The following CSMD3 variants were observed in gnomAD, a reference collection of about 807,000 sequenced individuals.
CSMD3 encodes the protein CUB and sushi domain-containing protein 3.
In CSMD3, 177 loss-of-function variants were observed where a neutral mutation model predicts 435.2. That is an observed-to-expected ratio of 0.41 (90% CI 0.36 to 0.46). The LOEUF (loss-of-function observed/expected upper bound fraction) is 0.46. CSMD3 is among the 20% of genes least tolerant of loss of function. CSMD3 has a pLI of 0.34. For missense variants in CSMD3, 4,265 were observed against 4,504.6 expected (o/e 0.95, Z 1.52); for synonymous variants, 1,656 against 1,520.5 (o/e 1.09, Z -2.07).
At chr8:112,685,197 C>G (rs1035894843) in intron 15 of CSMD3, among the ~76,000 whole-genome samples, 1 of 151,708 alleles carries the variant, frequency 6.6e-6, no homozygotes, top group Non-Finnish European at 1.5e-5. Context: ...GATATTGGGC[C>G]TCTCACAAAA....
intron 5 of CSMD3, among the ~76,000 whole-genome samples, chr8:113,068,354 C>T (rs971475784): frequency 7.9e-5 from 12 of 152,016 alleles, no homozygotes; most frequent in South Asian, 4.1e-4. Flanking sequence ...ATGAGATGGA[C>T]ATTAATATGC....
At chr8:112,963,810 T>C (rs1421180077) in intron 7 of CSMD3, among the ~76,000 whole-genome samples, 1 of 152,010 alleles carries the variant, frequency 6.6e-6, no homozygotes, top group Non-Finnish European at 1.5e-5. Context: ...GAGAGCAATA[T>C]GAATAGTGTT....
chr8:112,875,214 ATTCTT>A (rs542303934), intron 10 of CSMD3, among the ~76,000 whole-genome samples: 134 of 152,190 alleles, frequency 8.8e-4, no homozygotes, highest in African/African-American at 3.1e-3. Flanking sequence ...TAGGTTGAAA[ATTCTT>A]TTCTTTAAGA....
chr8:112,458,316 C>T (rs1817071961), intron 32 of CSMD3, among the ~76,000 whole-genome samples: 1 of 129,982 alleles, frequency 7.7e-6, no homozygotes, highest in Non-Finnish European at 1.7e-5. Flanking sequence ...ATTTTTTAAA[C>T]CCCATGTTTC....
At chr8:112,342,102 G>T (rs1022331985) in intron 41 of CSMD3, among the ~76,000 whole-genome samples, 3 of 152,084 alleles carry the variant, frequency 2.0e-5, no homozygotes, top group Admixed American at 2.0e-4. Flanking sequence ...ATATAGATTT[G>T]TAACATAGAT....
intron 32 of CSMD3, among the ~76,000 whole-genome samples, chr8:112,423,134 T>C (rs1435349068): frequency 6.6e-6 from 1 of 152,092 alleles, no homozygotes; most frequent in African/African-American, 2.4e-5. Context: ...TTTCCTTTGA[T>C]AGTTATTTTT....
chr8:112,505,872 G>A (rs2130925585), intron 29 of CSMD3, among the ~76,000 whole-genome samples: 1 of 152,170 alleles, frequency 6.6e-6, no homozygotes, highest in African/African-American at 2.4e-5. Context: ...CATAATAAAT[G>A]ATAGAGCTAG....
chr8:113,054,751 A>C (rs901450070), intron 5 of CSMD3, among the ~76,000 whole-genome samples: 34 of 152,176 alleles, frequency 2.2e-4, no homozygotes, highest in African/African-American at 8.2e-4. Context: ...CTTTCTGTAC[A>C]CGCTGTCTTC....
chr8:113,225,747 T>G (rs1160173816), intron 3 of CSMD3, among the ~76,000 whole-genome samples: 1 of 151,488 alleles, frequency 6.6e-6, no homozygotes, highest in East Asian at 1.9e-4. Flanking sequence ...AAGGAAATTT[T>G]GAGTTAGAGC....
chr8:112,826,376 C>T (rs912812553), intron 12 of CSMD3, among the ~76,000 whole-genome samples: 16 of 152,148 alleles, frequency 1.1e-4, no homozygotes, highest in African/African-American at 3.6e-4. Flanking sequence ...CCTGAGAGCT[C>T]GGCAGGCTTA....
chr8:113,431,672 C>CT (rs1057016051), intron 1 of CSMD3, among the ~76,000 whole-genome samples: 3 of 152,004 alleles, frequency 2.0e-5, no homozygotes, highest in Middle Eastern at 3.4e-3. Context: ...GTTCCCTCCA[C>CT]TTTTTTGCAT....
chr8:113,233,213 G>T (rs2093109203), intron 3 of CSMD3, among the ~76,000 whole-genome samples: 1 of 151,342 alleles, frequency 6.6e-6, no homozygotes, highest in Non-Finnish European at 1.5e-5. Context: ...GAACTTATAT[G>T]CAATTAATAA....
intron 32 of CSMD3, among the ~76,000 whole-genome samples, chr8:112,413,774 T>C: frequency 6.6e-6 from 1 of 152,230 alleles, no homozygotes; most frequent in South Asian, 2.1e-4. Context: ...CTACCACTGC[T>C]AGCAGTCTCT....
At chr8:112,339,739 G>T (rs901888496) in intron 42 of CSMD3, among the ~76,000 whole-genome samples, 1 of 152,050 alleles carries the variant, frequency 6.6e-6, no homozygotes, top group African/African-American at 2.4e-5. Flanking sequence ...AATTCAGAAG[G>T]TTCTTAAAAT....
intron 19 of CSMD3, among the ~76,000 whole-genome samples, chr8:112,647,170 A>G (rs2075002696): frequency 6.6e-6 from 1 of 152,206 alleles, no homozygotes; most frequent in African/African-American, 2.4e-5. Context: ...GTACTATTTT[A>G]GCAAGCTATG....
intron 13 of CSMD3, among the ~76,000 whole-genome samples, chr8:112,786,261 C>T (rs1383340822): frequency 6.6e-6 from 1 of 151,980 alleles, no homozygotes; most frequent in Non-Finnish European, 1.5e-5. Context: ...TATCTCTTGC[C>T]ATAGGCATAA....
At chr8:112,450,043 T>C (rs577508407) in intron 32 of CSMD3, among the ~76,000 whole-genome samples, 1 of 152,292 alleles carries the variant, frequency 6.6e-6, no homozygotes, top group East Asian at 1.9e-4. Flanking sequence ...TATTACACAG[T>C]AATAAAACTG....
intron 21 of CSMD3, among the ~76,000 whole-genome samples, chr8:112,637,285 G>GT (rs1405071450): frequency 2.6e-5 from 4 of 152,142 alleles, no homozygotes; most frequent in Non-Finnish European, 4.4e-5. Flanking sequence ...TTATCTTATT[G>GT]TTTTTTCTGC....
At chr8:112,858,314 AG>A (rs2080724650) in intron 11 of CSMD3, among the ~76,000 whole-genome samples, 1 of 151,782 alleles carries the variant, frequency 6.6e-6, no homozygotes, top group Admixed American at 6.6e-5. Context: ...AAACAACATC[AG>A]AGAGGTTAAA....
Sources: allele counts gnomAD v4.1 joint callset (sites outside exome capture counted in the v4.1 genomes callset), GRCh38; gene constraint gnomAD v4.1.1; transcripts MANE v1.5; gene names NCBI Gene and HGNC (gene_info 2026-07-23, HGNC 2026-07-21).